Variants in RARB observed in about 807,000 individuals in gnomAD.
RARB encodes retinoic acid receptor beta.
A neutral mutation model predicts 51.9 loss-of-function variants in RARB; 17 were observed. The observed-to-expected ratio is 0.33, with a 90% CI of 0.22 to 0.49. RARB has a LOEUF of 0.49. Ranked by LOEUF, RARB falls within the 20% of genes least tolerant of loss-of-function variation. The pLI, the probability that RARB is intolerant of heterozygous loss-of-function variation, is 0.99. For synonymous variants in RARB, 215 were observed against 195.4 expected, an observed-to-expected ratio of 1.10 and a Z score of -0.84; for missense variants, 369 against 550.8, an observed-to-expected ratio of 0.67 and a Z score of 3.30.
chr3:25,503,756 C>T (rs901751134), intron 3 of RARB, among the ~76,000 whole-genome samples: 3 of 152,052 alleles, frequency 2.0e-5, no homozygotes, highest in African/African-American at 7.2e-5. Flanking sequence ...AGGAAGCAGG[C>T]AAATATGAGA....
chr3:25,479,594 A>G (rs1051802817), intron 2 of RARB, among the ~76,000 whole-genome samples: 1 of 152,240 alleles, frequency 6.6e-6, no homozygotes, highest in African/African-American at 2.4e-5. Context: ...AAGGAGATCT[A>G]AAGAATGATG....
chr3:25,177,328 A>G (rs991684992), intron 5 of RARB, among the ~76,000 whole-genome samples: 1 of 152,212 alleles, frequency 6.6e-6, no homozygotes, highest in Non-Finnish European at 1.5e-5. Flanking sequence ...CCATGTACTG[A>G]GATTAGTAGG....
chr3:25,581,149 C>T (rs528524363), intron 5 of RARB, among the ~76,000 whole-genome samples: 3 of 152,188 alleles, frequency 2.0e-5, no homozygotes, highest in Non-Finnish European at 4.4e-5. Context: ...CCTGTGCGAC[C>T]ACCACACACG....
intron 2 of RARB, among the ~76,000 whole-genome samples, chr3:24,931,131 A>G (rs1303730821): frequency 6.6e-6 from 1 of 152,070 alleles, no homozygotes; most frequent in African/African-American, 2.4e-5. Context: ...CACAGTCTAT[A>G]CTTTTAAGTA....
At chr3:25,333,768 A>C (rs970799843) in intron 5 of RARB, among the ~76,000 whole-genome samples, 8 of 152,256 alleles carry the variant, frequency 5.3e-5, no homozygotes, top group Admixed American at 4.6e-4. Context: ...AAATTTTTAC[A>C]TTCTACCCAT....
At chr3:24,967,369 T>G (rs907607977) in intron 2 of RARB, among the ~76,000 whole-genome samples, 3 of 152,140 alleles carry the variant, frequency 2.0e-5, no homozygotes, top group Admixed American at 6.5e-5. Context: ...AGCCTCTGTT[T>G]CCCTTAGCGT....
At chr3:25,311,809 CA>C (rs1559353287) in intron 5 of RARB, among the ~76,000 whole-genome samples, 1 of 152,174 alleles carries the variant, frequency 6.6e-6, no homozygotes, top group Non-Finnish European at 1.5e-5. Flanking sequence ...AGTTCAGGCT[CA>C]TGACACAAAC....
chr3:25,449,426 T>C (rs1559408185), intron 1 of RARB, among the ~76,000 whole-genome samples: 1 of 152,198 alleles, frequency 6.6e-6, no homozygotes, highest in Non-Finnish European at 1.5e-5. Flanking sequence ...TTTTGAATTT[T>C]CCAGTTTTAC....
At chr3:25,202,044 G>C (rs900497722) in intron 5 of RARB, among the ~76,000 whole-genome samples, 1 of 152,194 alleles carries the variant, frequency 6.6e-6, no homozygotes, top group Non-Finnish European at 1.5e-5. Context: ...GTGGAATTCA[G>C]CTGTGAATCT....
intron 3 of RARB, among the ~76,000 whole-genome samples, chr3:25,101,265 A>G (rs1403810289): frequency 6.6e-6 from 1 of 152,148 alleles, no homozygotes. Context: ...GCCTGTGAGA[A>G]TTCCACAAAC....
At chr3:24,999,147 T>C (rs1697105506) in intron 2 of RARB, among the ~76,000 whole-genome samples, 1 of 152,136 alleles carries the variant, frequency 6.6e-6, no homozygotes, top group African/African-American at 2.4e-5. Context: ...ACCAATTTCA[T>C]TTAGAATATA....
chr3:25,531,650 G>A (rs765287123), intron 3 of RARB, among the ~76,000 whole-genome samples: 1 of 150,446 alleles, frequency 6.6e-6, no homozygotes, highest in Non-Finnish European at 1.5e-5. Flanking sequence ...CTAACATCCA[G>A]AAGTGCTACA....
chr3:25,064,891 T>G (rs1698629831), intron 3 of RARB, among the ~76,000 whole-genome samples: 1 of 152,154 alleles, frequency 6.6e-6, no homozygotes, highest in Non-Finnish European at 1.5e-5. Context: ...GAGGTTCATT[T>G]AGTTGAACAG....
intron 5 of RARB, among the ~76,000 whole-genome samples, chr3:25,592,048 AGT>A (rs1423529072): frequency 1.3e-5 from 2 of 152,176 alleles, no homozygotes; most frequent in Non-Finnish European, 2.9e-5. Context: ...CCAAACCCCC[AGT>A]GTTTCCCTGA....
chr3:24,949,048 G>A (rs965584222), intron 2 of RARB, among the ~76,000 whole-genome samples: 1 of 152,190 alleles, frequency 6.6e-6, no homozygotes, highest in African/African-American at 2.4e-5. Context: ...AAGGTCAAAG[G>A]ACATATTCTG....
chr3:24,928,877 T>G (rs1288111763), intron 2 of RARB, among the ~76,000 whole-genome samples: 2 of 152,142 alleles, frequency 1.3e-5, no homozygotes, highest in East Asian at 3.9e-4. Flanking sequence ...CATTAGTAAT[T>G]CCTAGAAATT....
chr3:25,482,820 T>A (rs2125583494), intron 2 of RARB, among the ~76,000 whole-genome samples: 1 of 152,208 alleles, frequency 6.6e-6, no homozygotes. Context: ...ATTACAGGCG[T>A]GAGCCACCCG....
chr3:25,151,553 A>C (rs1211149611), intron 4 of RARB, among the ~76,000 whole-genome samples: 1 of 152,154 alleles, frequency 6.6e-6, no homozygotes, highest in Non-Finnish European at 1.5e-5. Flanking sequence ...TATAAACAGA[A>C]CCTACTAATT....
In RARB at chr3:25,060,992, C is replaced by G. The variant is rs115559170; in HGVS notation, c.-328+816C>G. ...CCAAATTTACTTTATCTCAACAACTCAAAGACTTACATCATATGGATCCCC... is the reference window on the plus strand; with the variant it reads ...CCAAATTTACTTTATCTCAACAACTGAAAGACTTACATCATATGGATCCCC... On this transcript the variant is annotated intron_variant, in intron 3 of 11. Transcript: ENST00000383772. 4.5e-3 allele frequency among the ~76,000 whole-genome samples: 689 copies of G among 151,934 alleles called. 6 individuals are homozygous for G. The highest frequency in any genetic ancestry group is 0.016 in the African/African-American group (652 of 41,502).
Sources: gnomAD v4.1 joint callset for allele counts (sites outside exome capture counted in the v4.1 genomes callset) on GRCh38, gnomAD v4.1.1 for gene constraint, MANE v1.5 for transcripts, NCBI Gene and HGNC (gene_info 2026-07-23, HGNC 2026-07-21) for gene names.